The following RAD17 variants were observed in gnomAD, a reference collection of about 807,000 sequenced individuals.
RAD17 encodes the protein RAD17 checkpoint clamp loader component, also known as cell cycle checkpoint protein RAD17.
RAD17 carries 31 observed loss-of-function variants against 81.5 expected under a neutral mutation model. That is an observed-to-expected ratio of 0.38 (90% CI 0.29 to 0.51). The LOEUF is 0.51. Among genes scored for constraint, RAD17 ranks in the 20% least tolerant of loss-of-function variants. The probability of loss-of-function intolerance (pLI) is 0.88; values close to 1 mark genes in which losing one functional copy is unlikely to be tolerated. For missense variants in RAD17, 681 were observed against 781.2 expected (o/e 0.87, Z 1.53); for synonymous variants, 261 against 266.2 (o/e 0.98, Z 0.19).
At chr5:69,403,111 T>C (rs554048738) in intron 17 of RAD17, among the ~76,000 whole-genome samples, 1 of 152,162 alleles carries the variant, frequency 6.6e-6, no homozygotes, top group Non-Finnish European at 1.5e-5. Context: ...AGGGCTAGGA[T>C]TATAGGCACA....
chr5:69,371,312 G>A (rs1191835593), intron 2 of RAD17, 141 bp downstream of exon 2: 2 of 463,774 alleles, frequency 4.3e-6, no homozygotes. Flanking sequence ...TTGATTTCTT[G>A]TATCACTTAA....
At position 69,389,109 on chromosome 5, in the gene RAD17, A is replaced by C. The variant is rs1764389976; in HGVS notation, c.970A>C (p.Ser324Arg). ...LCQGCSGDIR[S>R]AINSLQFSSS... ...TCAGGGATGTTCTGGTGATATCAGA[A>C]GTGCAATAAACAGCCTCCAGTTTTC... The change falls in exon 12 of 19, where the codon AGT becomes CGT. Residue 324 changes from serine (S) to arginine (R), a missense_variant. Coordinates refer to ENST00000354868, the MANE Select transcript of RAD17 (RefSeq NM_133338.3). 19 of 1,589,956 alleles carry C rather than the reference A, an allele frequency of 1.2e-5. No individual in the cohort carries two copies. Among genetic ancestry groups the C allele is most frequent in the Non-Finnish European group, 1.6e-5 (19 of 1,167,762 alleles).
At chr5:69,380,750 TA>T (rs1205399288) in intron 6 of RAD17, among the ~76,000 whole-genome samples, 1 of 151,794 alleles carries the variant, frequency 6.6e-6, no homozygotes, top group African/African-American at 2.4e-5. Context: ...CTATCTCTGG[TA>T]AATATGTTTC....
rs1764273981 is a variant in RAD17 at position 69,387,294 on chromosome 5, C to A, written c.894+829C>A. Among the ~76,000 whole-genome samples, 3 of 152,050 alleles carry A rather than the reference C, an allele frequency of 2.0e-5. No individual in the cohort carries two copies. In the South Asian group the frequency reaches 6.2e-4, roughly 32 times the overall value. On this transcript the variant is annotated intron_variant, in intron 11 of 18. Transcript: ENST00000354868. ...ATGATGTTAAAAAAAAATTGATGGACCTTCTGCTCCCAGCGTCATGGTTTT... is the reference window on the plus strand; with the variant it reads ...ATGATGTTAAAAAAAAATTGATGGAACTTCTGCTCCCAGCGTCATGGTTTT...
intron 16 of RAD17, 112 bp from the exon 17 acceptor site, chr5:69,399,937 C>T: frequency 1.5e-6 from 1 of 649,082 alleles, no homozygotes; most frequent in Non-Finnish European, 2.3e-6. Flanking sequence ...TATAAACCCA[C>T]AAGTTAATAT....
chr5:69,385,021 G>A (rs1049881504), intron 8 of RAD17, 88 bp downstream of exon 8: 28 of 1,139,702 alleles, frequency 2.5e-5, no homozygotes, highest in Middle Eastern at 3.3e-4. Flanking sequence ...GTGCAGTGGC[G>A]CGATCTCAGC....
chr5:69,396,656 T>G, intron 16 of RAD17, 110 bp downstream of exon 16: 1 of 1,173,446 alleles, frequency 8.5e-7, no homozygotes, highest in African/African-American at 1.5e-5. Flanking sequence ...AAAAAATATT[T>G]CATTTTTAAT....
chr5:69,385,031 C>T lies in RAD17; in HGVS notation c.645+98C>T. The T allele has an allele frequency of 1.9e-6, 2 of 1,071,026 alleles. 1 individual carries two copies. Among genetic ancestry groups the T allele is most frequent in the South Asian group, 3.5e-5 (2 of 56,552 alleles). The allele number at this position is 1,071,026 out of a possible 1,614,324, so 66.3% of individuals were successfully genotyped here. A position where few individuals can be genotyped will look rare whatever the true frequency, so the allele number is the denominator to read the frequency against. ...CTGGAGTGCAGTGGCGCGATCTCAG[C>T]TCATTGCAAGCTCTGCCTCCCAGGT... is the stretch of plus-strand genomic sequence containing the variant. On this transcript the variant is annotated intron_variant, in intron 8 of 18. Coordinates refer to ENST00000354868, the MANE Select transcript of RAD17 (RefSeq NM_133338.3).
chr5:69,384,758 A>G (rs1764072766), intron 7 of RAD17, 39 bp from the exon 8 acceptor site: 6 of 1,556,760 alleles, frequency 3.9e-6, no homozygotes, highest in Non-Finnish European at 5.3e-6. Flanking sequence ...AATGTATATC[A>G]TTTGTTGAAA....
intron 13 of RAD17, 161 bp from the exon 14 acceptor site, chr5:69,392,994 T>C: frequency 3.7e-6 from 2 of 537,800 alleles, no homozygotes; most frequent in East Asian, 3.1e-5. Flanking sequence ...GTGGAAAAAA[T>C]AGGTGCTTGC....
chr5:69,395,307 T>C (rs973536356), intron 15 of RAD17, among the ~76,000 whole-genome samples: 1 of 152,116 alleles, frequency 6.6e-6, no homozygotes. Context: ...GGCCAGAAGT[T>C]TGAGAACAGC....
At chr5:69,411,433 C>A (rs1799517185) in intron 18 of RAD17, among the ~76,000 whole-genome samples, 1 of 152,032 alleles carries the variant, frequency 6.6e-6, no homozygotes, top group Admixed American at 6.6e-5. Context: ...TTAAAAAAAT[C>A]TTGCTTACTG....
At chr5:69,408,560 C>T (rs1322466726) in intron 17 of RAD17, among the ~76,000 whole-genome samples, 2 of 135,422 alleles carry the variant, frequency 1.5e-5, no homozygotes, top group African/African-American at 5.5e-5. Flanking sequence ...GTCACCCAGA[C>T]TGGAGTGCAG....
Position 69,377,456 on chromosome 5 carries a change from T to C in RAD17, c.351+2745T>C, listed in dbSNP as rs1322214605. Among the ~76,000 whole-genome samples the C allele has an allele frequency of 9.4e-4, 8 of 8,504 alleles. 1 individual carries two copies. Among genetic ancestry groups the C allele is most frequent in the Admixed American group, 1.9e-3 (1 of 524 alleles). The allele number at this position is 8,504 out of a possible 152,430, so 5.6% of individuals were successfully genotyped here. ...GTGTGTGTGTATATATATATATATA[T>C]ATATATATATATATATATACACACA... On this transcript the variant is annotated intron_variant, in intron 6 of 18. Transcript: ENST00000354868.
chr5:69,410,469 C>G, intron 17 of RAD17, 24 bp from the exon 18 acceptor site: 1 of 1,597,918 alleles, frequency 6.3e-7, no homozygotes, highest in Non-Finnish European at 8.6e-7. Context: ...AAATTGTTTA[C>G]AACTTTTAAA....
At chr5:69,381,090 A>G (rs1021728735) in intron 6 of RAD17, among the ~76,000 whole-genome samples, 6 of 152,096 alleles carry the variant, frequency 3.9e-5, no homozygotes, top group South Asian at 4.1e-4. Context: ...CTTAATATGC[A>G]TTTCTTAAAG....
At chr5:69,410,048 A>G (rs974889512) in intron 17 of RAD17, among the ~76,000 whole-genome samples, 1 of 152,196 alleles carries the variant, frequency 6.6e-6, no homozygotes, top group Admixed American at 6.5e-5. Flanking sequence ...TTGGTTATCC[A>G]TTCATCTGTT....
intron 6 of RAD17, among the ~76,000 whole-genome samples, chr5:69,380,495 T>C (rs1763785038): frequency 1.3e-5 from 2 of 152,180 alleles, no homozygotes; most frequent in South Asian, 2.1e-4. Flanking sequence ...TGTTGATCCA[T>C]ATAGTTTGAA....
rs57714822 is a variant in RAD17 at position 69,405,623 on chromosome 5, C to T, written c.1694-4870C>T. 6.3e-3 allele frequency among the ~76,000 whole-genome samples: 957 copies of T among 151,446 alleles called. 7 individuals carry two copies. Among genetic ancestry groups the T allele is most frequent in the African/African-American group, 0.022 (899 of 41,248 alleles). On this transcript the variant is annotated intron_variant, in intron 17 of 18. Coordinates refer to ENST00000354868, the MANE Select transcript of RAD17 (RefSeq NM_133338.3). ...CAGAGGTTGCAGTGAGCCACGATCA[C>T]GCCATTGCACCCCAGCCTGGCAACA... is the stretch of plus-strand genomic sequence containing the variant.
Sources: gnomAD v4.1 joint callset for allele counts (sites outside exome capture counted in the v4.1 genomes callset) on GRCh38, gnomAD v4.1.1 for gene constraint, MANE v1.5 for transcripts, NCBI Gene and HGNC (gene_info 2026-07-23, HGNC 2026-07-21) for gene names.